ZBP1: variants seen among roughly 807,000 people sequenced by gnomAD.
ZBP1 encodes Z-DNA-binding protein 1.
ZBP1 carries 42 observed loss-of-function variants against 41.1 expected under a neutral mutation model. That is an observed-to-expected ratio of 1.02 (90% confidence interval 0.80 to 1.32). The LOEUF (loss-of-function observed/expected upper bound fraction) is 1.32, where lower values mean the gene tolerates loss of function less well. ZBP1 is among the 40% of genes most tolerant of loss of function. The pLI is 0.00. For missense variants in ZBP1, 562 were observed against 549.7 expected (o/e 1.02, Z -0.22); for synonymous variants, 214 against 205.2 (o/e 1.04, Z -0.37).
chr20:57,609,861 C>G (rs550607015), intron 7 of ZBP1, among the ~76,000 whole-genome samples: 1 of 152,162 alleles, frequency 6.6e-6, no homozygotes, highest in Non-Finnish European at 1.5e-5. Context: ...GATTTTACCC[C>G]AGTCTTGCAA....
chr20:57,612,541 A>G (rs1411915909), intron 5 of ZBP1, among the ~76,000 whole-genome samples: 1 of 149,896 alleles, frequency 6.7e-6, no homozygotes, highest in Non-Finnish European at 1.5e-5. Flanking sequence ...TCCCAAGGTT[A>G]CAGGGAGTGT....
chr20:57,611,016 C>T (rs2070652520), intron 6 of ZBP1, among the ~76,000 whole-genome samples: 2 of 152,210 alleles, frequency 1.3e-5, no homozygotes, highest in Admixed American at 1.3e-4. Context: ...CAGCCCATCT[C>T]TGCATTCCCA....
chr20:57,607,046 T>C (rs1468647796), intron 7 of ZBP1: 1 of 1,295,852 alleles, frequency 7.7e-7, no homozygotes, highest in Non-Finnish European at 1.0e-6. Flanking sequence ...AGGAGTAACT[T>C]CAACATTCAC....
intron 4 of ZBP1, among the ~76,000 whole-genome samples, chr20:57,614,623 A>C (rs1262784624): frequency 6.6e-6 from 1 of 152,178 alleles, no homozygotes; most frequent in East Asian, 1.9e-4. Flanking sequence ...CCCAGAGCTG[A>C]GAACATTGGG....
In ZBP1 at chr20:57,613,468, G is replaced by T; in HGVS notation, c.503-138C>A. 1 of 899,800 alleles carries T rather than the reference G, an allele frequency of 1.1e-6. No individual in the cohort carries two copies. The highest frequency in any genetic ancestry group is 1.7e-6 in the Non-Finnish European group (1 of 579,162). 55.7% of individuals were successfully genotyped at this position (899,800 alleles called of 1,614,324 possible). On this transcript the variant is annotated intron_variant, in intron 4 of 7. Coordinates refer to ENST00000371173, the MANE Select transcript of ZBP1 (RefSeq NM_030776.3). This position sits in a 1 kb window ranked among gnomAD's most constrained non-coding sequence, Gnocchi z 4.5. ...GTTCCGAGTCAGTAGGGCCAAGTGG[G>T]AGGCCAGAGCTGGGTGTTTAACAGA...
rs760182967 is a variant in ZBP1 at position 57,610,138 on chromosome 20, C to G, written c.1093+11G>C. 1 of 1,612,630 alleles carries G rather than the reference C, an allele frequency of 6.2e-7. No individual in the cohort carries two copies. The highest frequency in any genetic ancestry group is 8.5e-7 in the Non-Finnish European group (1 of 1,179,392). ...AGAACACACAGGGGTCCACTCTGCC[C>G]CCTAGCTCACCTGCGTCCTCCCCTG... is the stretch of plus-strand genomic sequence containing the variant. On this transcript the variant is annotated intron_variant, in intron 7 of 7. Coordinates refer to ENST00000371173, the MANE Select transcript of ZBP1 (RefSeq NM_030776.3). The surrounding 1 kb of genome is among the most constrained non-coding windows in gnomAD (Gnocchi z 5.5).
intron 7 of ZBP1, chr20:57,607,327 A>G: frequency 7.8e-7 from 1 of 1,279,900 alleles, no homozygotes; most frequent in Non-Finnish European, 1.0e-6. Flanking sequence ...AATAGCAGGA[A>G]AACACAAATT....
In ZBP1 at chr20:57,620,388, G is replaced by T; in HGVS notation, c.-93C>A. ...GAGGGTGGGCTAGGTCGAGGCTGGG[G>T]CTTCTGAAGTGGCCGAGCCTGGTGC... On this transcript the variant is annotated 5_prime_UTR_variant, in exon 1 of 8. Coordinates refer to ENST00000371173, the MANE Select transcript of ZBP1 (RefSeq NM_030776.3). 1 of 1,431,804 alleles carries T rather than the reference G, an allele frequency of 7.0e-7. No individual in the cohort carries two copies. Among genetic ancestry groups the T allele is most frequent in the African/African-American group, 1.4e-5 (1 of 69,856 alleles). The allele number at this position is 1,431,804 out of a possible 1,614,324, so 88.7% of individuals were successfully genotyped here.
chr20:57,617,917 T>C (rs1316098297), intron 1 of ZBP1: 1 of 151,344 alleles, frequency 6.6e-6, no homozygotes, highest in Admixed American at 6.6e-5. Flanking sequence ...GTTTACCCAA[T>C]AGACCCTGGG....
At chr20:57,616,907 C>T (rs1043945349) in intron 1 of ZBP1, 8 of 217,162 alleles carry the variant, frequency 3.7e-5, no homozygotes, top group Admixed American at 5.2e-5. Flanking sequence ...TCGCCATCCT[C>T]CCCGGGAGTG....
At position 57,616,365 on chromosome 20, in the gene ZBP1, G is replaced by A. The variant is rs2070828924; in HGVS notation, c.138C>T (p.Asn46=). The A allele has an allele frequency of 1.2e-6, 2 of 1,614,082 alleles. No individual in the cohort carries two copies. Among genetic ancestry groups the A allele is most frequent in the South Asian group, 1.1e-5 (1 of 91,088 alleles). The change falls in exon 2 of 8, where the codon AAC becomes AAT. Residue 46 remains asparagine, a synonymous_variant. Transcript: ENST00000371173. ...KECQAPKREL[N]QVLYRMKKEL... ...CCTTTTTCATTCGGTAGAGGACTTG[G>A]TTGAGCTCCCTCTTGGGTGCTTGGC...
At chr20:57,615,221 AG>A in intron 3 of ZBP1, 161 bp from the exon 4 acceptor site, 1 of 797,868 alleles carries the variant, frequency 1.3e-6, no homozygotes, top group East Asian at 2.6e-5. Context: ...CGCACCGCAG[AG>A]GTGCCCTGAG....
chr20:57,607,837 T>C (rs1208200403), intron 7 of ZBP1, among the ~76,000 whole-genome samples: 1 of 152,204 alleles, frequency 6.6e-6, no homozygotes, highest in Admixed American at 6.5e-5. Flanking sequence ...AAAATTAAGG[T>C]ATGTACATTG....
rs1600720094 is a variant in ZBP1, at chr20:57,604,138, G to C, written c.*435C>G. Reference sequence around the variant, plus strand: ...TCCGCCCGCCTCGGCCTCCCAAAGTGCTGGGATTACAGGCGTGAGCCACTG... The same window carrying C: ...TCCGCCCGCCTCGGCCTCCCAAAGTCCTGGGATTACAGGCGTGAGCCACTG... On this transcript the variant is annotated 3_prime_UTR_variant, in exon 8 of 8. Transcript: ENST00000371173. The C allele has an allele frequency of 9.8e-6, 3 of 304,826 alleles. No homozygotes were observed. The Admixed American group carries it at 1.4e-4, about 14-fold the overall frequency. 18.9% of individuals were successfully genotyped at this position (304,826 alleles called of 1,614,324 possible). A position where few individuals can be genotyped will look rare whatever the true frequency, so the allele number is the denominator to read the frequency against.
In ZBP1 at chr20:57,604,539, C is replaced by T. The variant is rs200988573; in HGVS notation, c.*34G>A. ...AGTCTCCCTAGCATGCGCCCACCCCCAGCCTGTGTCCAAGCCCCACGTGAG... is the reference window on the plus strand; with the variant it reads ...AGTCTCCCTAGCATGCGCCCACCCCTAGCCTGTGTCCAAGCCCCACGTGAG... On this transcript the variant is annotated 3_prime_UTR_variant, in exon 8 of 8. Transcript: ENST00000371173. 7.5e-6 allele frequency: 12 copies of T among 1,606,846 alleles called. No homozygotes were observed. The highest frequency in any genetic ancestry group is 4.0e-5 in the African/African-American group (3 of 74,942).
At chr20:57,608,689 G>A (rs958674682) in intron 7 of ZBP1, among the ~76,000 whole-genome samples, 3 of 152,246 alleles carry the variant, frequency 2.0e-5, no homozygotes, top group Admixed American at 6.5e-5. Context: ...CGTTCTGCAG[G>A]TGTCACATGT....
chr20:57,614,535 C>T (rs141474117), intron 4 of ZBP1, among the ~76,000 whole-genome samples: 52 of 152,250 alleles, frequency 3.4e-4, no homozygotes, highest in Middle Eastern at 3.4e-3. Flanking sequence ...CTTGCCTTCT[C>T]TTCTGCCAAC....
chr20:57,611,504 G>A (rs926446691), intron 6 of ZBP1, among the ~76,000 whole-genome samples: 1 of 141,724 alleles, frequency 7.1e-6, no homozygotes, highest in Non-Finnish European at 1.5e-5. Flanking sequence ...TGATCCACCC[G>A]CTTTGGCTTC....
intron 5 of ZBP1, 197 bp downstream of exon 5, chr20:57,612,966 G>A (rs2146578205): frequency 7.0e-7 from 1 of 1,432,150 alleles, no homozygotes; most frequent in East Asian, 2.5e-5. Context: ...CAGAGTACAG[G>A]GAAATCAGGA....
Sources: gnomAD v4.1 joint callset for allele counts (sites outside exome capture counted in the v4.1 genomes callset) on GRCh38, gnomAD v4.1.1 for gene constraint, Gnocchi (gnomAD v3.1) non-coding constraint, MANE v1.5 for transcripts, NCBI Gene and HGNC (gene_info 2026-07-23, HGNC 2026-07-21) for gene names.